Variants in TXNDC5 observed in about 807,000 individuals in gnomAD.
The protein encoded by TXNDC5 is thioredoxin domain-containing protein 5.
In TXNDC5, 44 loss-of-function variants were observed where a neutral mutation model predicts 52.6. The observed-to-expected ratio is 0.84, with a 90% CI of 0.66 to 1.08. The LOEUF (loss-of-function observed/expected upper bound fraction) is 1.08. Ranked by LOEUF, TXNDC5 falls within the 50% of genes least tolerant of loss-of-function variation. The probability of loss-of-function intolerance (pLI) is 0.00; values close to 1 mark genes in which losing one functional copy is unlikely to be tolerated. For missense variants in TXNDC5, 600 were observed against 565.5 expected (o/e 1.06, Z -0.62); for synonymous variants, 241 against 234.4 (o/e 1.03, Z -0.26).
Position 7,910,567 on chromosome 6 carries a change from C to T in TXNDC5, c.210G>A (p.Met70Ile), listed in dbSNP as rs1399763061. The change falls in exon 1 of 10, where the codon ATG (methionine) becomes ATA (isoleucine). Residue 70 changes from methionine (M) to isoleucine (I), a missense_variant. Transcript: ENST00000379757. Reference sequence around the variant, plus strand: ...CGGCGCTCTGGATCCCGTGCGTGAACATGTCGGCCGTGTACAGGTGCTTGC... The same window carrying T: ...CGGCGCTCTGGATCCCGTGCGTGAATATGTCGGCCGTGTACAGGTGCTTGC... The part of the protein sequence containing the change: ...PHSKHLYTAD[M>I]FTHGIQSAAH... 4.1e-6 allele frequency: 6 copies of T among 1,454,564 alleles called. No individual in the cohort carries two copies. Among genetic ancestry groups the T allele is most frequent in the Non-Finnish European group, 5.5e-6 (6 of 1,093,308 alleles). The allele number at this position is 1,454,564 out of a possible 1,614,324, so 90.1% of individuals were successfully genotyped here. A position where few individuals can be genotyped will look rare whatever the true frequency, so the allele number is the denominator to read the frequency against.
chr6:7,889,446 A>G (rs771802316), intron 6 of TXNDC5, 49 bp downstream of exon 6: 1 of 1,545,704 alleles, frequency 6.5e-7, no homozygotes, highest in South Asian at 1.1e-5. Context: ...GCTCAGCCTG[A>G]TGGGGTTAAG....
At chr6:7,888,626 G>A in intron 7 of TXNDC5, 79 bp downstream of exon 7, 1 of 1,507,332 alleles carries the variant, frequency 6.6e-7, no homozygotes, top group Non-Finnish European at 8.9e-7. Flanking sequence ...AGCATTTGAG[G>A]AGGCCTCTGA....
At chr6:7,890,059 G>A (rs1760137214) in intron 5 of TXNDC5, among the ~76,000 whole-genome samples, 1 of 152,136 alleles carries the variant, frequency 6.6e-6, no homozygotes, top group African/African-American at 2.4e-5. Flanking sequence ...AACAGGAGTA[G>A]TTGGTATATA....
chr6:7,903,601 T>A (rs1760638791), intron 2 of TXNDC5, among the ~76,000 whole-genome samples: 1 of 152,250 alleles, frequency 6.6e-6, no homozygotes, highest in African/African-American at 2.4e-5. Flanking sequence ...TGGAGATCCC[T>A]CCACTTTTCT....
intron 7 of TXNDC5, among the ~76,000 whole-genome samples, chr6:7,887,817 C>T (rs1266762519): frequency 1.3e-5 from 2 of 152,208 alleles, no homozygotes; most frequent in African/African-American, 4.8e-5. Flanking sequence ...TCCCCCAGCC[C>T]CAGCTCTGGC....
intron 3 of TXNDC5, among the ~76,000 whole-genome samples, chr6:7,895,879 G>A (rs1362616116): frequency 1.3e-5 from 2 of 152,210 alleles, no homozygotes; most frequent in Admixed American, 6.5e-5. Flanking sequence ...TGTGGTCCCA[G>A]CTACTTGGGA....
Position 7,882,983 on chromosome 6 carries a change from T to C in TXNDC5, c.*161A>G. ...TTAACTTAATAAAGAATCTGTAGAGTGTGTTGGCTTGGAAAACACACACAC... is the reference window on the plus strand; with the variant it reads ...TTAACTTAATAAAGAATCTGTAGAGCGTGTTGGCTTGGAAAACACACACAC... On this transcript the variant is annotated 3_prime_UTR_variant, in exon 10 of 10. Transcript: ENST00000379757. 1.2e-6 allele frequency: 1 copy of C among 842,900 alleles called. No individual in the cohort carries two copies. Among genetic ancestry groups the C allele is most frequent in the Non-Finnish European group, 1.8e-6 (1 of 557,208 alleles). The allele number at this position is 842,900 out of a possible 1,614,324, so 52.2% of individuals were successfully genotyped here.
intron 4 of TXNDC5, 138 bp from the exon 5 acceptor site, chr6:7,891,874 A>G (rs1481457305): frequency 5.1e-6 from 3 of 583,934 alleles, no homozygotes; most frequent in Non-Finnish European, 9.0e-6. Context: ...TTTAATTGGT[A>G]CAAAGGGACT....
intron 5 of TXNDC5, among the ~76,000 whole-genome samples, chr6:7,890,698 G>A (rs1467108592): frequency 6.6e-6 from 1 of 152,156 alleles, no homozygotes; most frequent in Non-Finnish European, 1.5e-5. Flanking sequence ...AGGCAACAGT[G>A]AAATATCCAT....
At chr6:7,894,657 T>C (rs1294374079) in intron 4 of TXNDC5, 2 of 898,168 alleles carry the variant, frequency 2.2e-6, no homozygotes, top group East Asian at 1.2e-4. Flanking sequence ...AATTAAAAAA[T>C]ATTTTATTGC....
intron 5 of TXNDC5, among the ~76,000 whole-genome samples, chr6:7,891,281 C>T (rs34599679): frequency 0.015 from 2,326 of 152,134 alleles, 19 homozygotes; most frequent in Middle Eastern, 0.034. Flanking sequence ...TGGGTGAGGT[C>T]GAACGTGGAC....
intron 9 of TXNDC5, 107 bp downstream of exon 9, chr6:7,884,252 A>G (rs1450280056): frequency 2.1e-6 from 3 of 1,459,970 alleles, no homozygotes; most frequent in East Asian, 2.3e-5. Flanking sequence ...TAAAAACCAC[A>G]TTGTTGAGAA....
At position 7,895,124 on chromosome 6, in the gene TXNDC5, C is replaced by G; in HGVS notation, c.598G>C (p.Glu200Gln). Residue 200 changes from glutamate to glutamine, a missense_variant, in exon 4 of 10, where the codon GAG becomes CAG. Transcript: ENST00000379757. ...GLYELSASNF[E>Q]LHVAQGDHFI... ...CCCTTACCTTGTGCAACGTGCAGCT[C>G]AAAGTTGCTTGCTGAGAGCTCATAC... 1 of 1,613,826 alleles carries G rather than the reference C, an allele frequency of 6.2e-7. No homozygotes were observed. Among genetic ancestry groups the G allele is most frequent in the South Asian group, 1.1e-5 (1 of 90,912 alleles).
At chr6:7,895,353 G>C in intron 3 of TXNDC5, 151 bp from the exon 4 acceptor site, 1 of 677,142 alleles carries the variant, frequency 1.5e-6, no homozygotes, top group Non-Finnish European at 2.5e-6. Flanking sequence ...TGCTGAGTGA[G>C]GCCAGGTCAG....
chr6:7,896,070 G>A (rs1052071368), intron 3 of TXNDC5, among the ~76,000 whole-genome samples: 9 of 152,162 alleles, frequency 5.9e-5, no homozygotes, highest in Non-Finnish European at 1.0e-4. Flanking sequence ...AGGAAGGCCT[G>A]GTTATCCTTA....
In TXNDC5 at chr6:7,910,551, G is replaced by A. The variant is rs1170282240; in HGVS notation, c.226C>T (p.Gln76Ter). 2 of 1,458,008 alleles carry A rather than the reference G, an allele frequency of 1.4e-6. No individual in the cohort carries two copies. The allele number at this position is 1,458,008 out of a possible 1,614,324, so 90.3% of individuals were successfully genotyped here. A position where few individuals can be genotyped will look rare whatever the true frequency, so the allele number is the denominator to read the frequency against. ...YTADMFTHGI[Q>*]SAAHFVMFFA... is the part of the protein sequence containing the mutation. Reference sequence around the variant, plus strand: ...AACATGACGAAGTGCGCGGCGCTCTGGATCCCGTGCGTGAACATGTCGGCC... The same window carrying A: ...AACATGACGAAGTGCGCGGCGCTCTAGATCCCGTGCGTGAACATGTCGGCC... Residue 76 changes from glutamine to a stop codon, truncating the protein, a stop_gained, in exon 1 of 10, where the codon CAG becomes TAG. Transcript: ENST00000379757. LOFTEE classifies it high-confidence loss of function.
chr6:7,910,762 T>A lies in TXNDC5; in HGVS notation c.15A>T (p.Pro5=). The change falls in exon 1 of 10, where the codon CCA becomes CCT. Residue 5 remains proline, a synonymous_variant. Coordinates refer to ENST00000379757, the MANE Select transcript of TXNDC5 (RefSeq NM_030810.5). The stretch of plus-strand genomic sequence containing the variant: ...GGGCCAGCAGCGGGAGGAGGCGTCC[T>A]GGGCGCGCGGGCATCGCGGCGGGGC... MPAR[P]GRLLPLLARP... The A allele has an allele frequency of 1.0e-6, 1 of 997,576 alleles. No individual in the cohort carries two copies. The highest frequency in any genetic ancestry group is 1.2e-6 in the Non-Finnish European group (1 of 840,526). The allele number at this position is 997,576 out of a possible 1,614,324, so 61.8% of individuals were successfully genotyped here. A position where few individuals can be genotyped will look rare whatever the true frequency, so the allele number is the denominator to read the frequency against.
At chr6:7,886,087 G>C (rs1207382893) in intron 7 of TXNDC5, 44 bp from the exon 8 acceptor site, 1 of 1,560,952 alleles carries the variant, frequency 6.4e-7, no homozygotes, top group Non-Finnish European at 8.8e-7. Context: ...ATCCCTTAAA[G>C]TTGAGCAGGG....
intron 3 of TXNDC5, among the ~76,000 whole-genome samples, chr6:7,898,302 C>T (rs576913807): frequency 5.3e-5 from 8 of 152,214 alleles, no homozygotes; most frequent in African/African-American, 1.7e-4. Context: ...GTGATCCACC[C>T]GCCTCAGCCT....
Sources: gnomAD v4.1 joint callset for allele counts (sites outside exome capture counted in the v4.1 genomes callset) on GRCh38, gnomAD v4.1.1 for gene constraint, MANE v1.5 for transcripts, NCBI Gene and HGNC (gene_info 2026-07-23, HGNC 2026-07-21) for gene names.